GRIN2C: variants seen among roughly 807,000 people sequenced by gnomAD.
GRIN2C encodes glutamate receptor ionotropic, NMDA 2C.
In GRIN2C, 64 loss-of-function variants were observed where a neutral mutation model predicts 77.7. That is an observed-to-expected ratio of 0.82 (90% CI 0.67 to 1.01). The LOEUF is 1.01. Among genes scored for constraint, GRIN2C ranks in the 50% least tolerant of loss-of-function variants. The pLI is 0.00. For missense variants in GRIN2C, 1,549 were observed against 1,486.0 expected, an observed-to-expected ratio of 1.04 and a Z score of -0.70; for synonymous variants, 792 against 643.4, an observed-to-expected ratio of 1.23 and a Z score of -3.49.
intron 4 of GRIN2C, 99 bp downstream of exon 4, chr17:74,851,478 A>G: frequency 1.5e-6 from 1 of 684,478 alleles, no homozygotes; most frequent in South Asian, 1.8e-5. Flanking sequence ...GAGGGGTTGG[A>G]TAAGGGACAG....
chr17:74,846,300 G>A lies in GRIN2C; in HGVS notation c.2163-47C>T. 6.4e-7 allele frequency: 1 copy of A among 1,557,782 alleles called. No individual in the cohort carries two copies. The highest frequency in any genetic ancestry group is 1.4e-5 in the African/African-American group (1 of 73,922). On this transcript the variant is annotated intron_variant, in intron 10 of 12. Transcript: ENST00000293190. This position sits in a 1 kb window ranked among gnomAD's most constrained non-coding sequence, Gnocchi z 4.4. ...GAGCTAGGGACCATATGGGAGGGGA[G>A]GGGACACCGAAACTGGGGCGTGACA... is the stretch of plus-strand genomic sequence containing the variant.
intron 12 of GRIN2C, 71 bp from the exon 13 acceptor site, chr17:74,843,624 C>T (rs867954154): frequency 1.9e-5 from 28 of 1,510,602 alleles, no homozygotes; most frequent in Middle Eastern, 4.7e-4. Flanking sequence ...TTGTCCCTGC[C>T]TGGTCCCAAG....
Position 74,847,066 on chromosome 17 carries a change from G to C in GRIN2C, c.2002-146C>G. 1.1e-6 allele frequency: 1 copy of C among 879,672 alleles called. No homozygotes were observed. The highest frequency in any genetic ancestry group is 1.7e-6 in the Non-Finnish European group (1 of 587,206). 54.5% of individuals were successfully genotyped at this position (879,672 alleles called of 1,614,324 possible). On this transcript the variant is annotated intron_variant, in intron 9 of 12. Coordinates refer to ENST00000293190, the MANE Select transcript of GRIN2C (RefSeq NM_000835.6). This position sits in a 1 kb window ranked among gnomAD's most constrained non-coding sequence, Gnocchi z 5.2. ...TAAAGGCTGTCCAGGCCACTCCTGTGTTTTCCAAATGGAGACTCTGAGGCC... is the reference window on the plus strand; with the variant it reads ...TAAAGGCTGTCCAGGCCACTCCTGTCTTTTCCAAATGGAGACTCTGAGGCC...
At position 74,850,982 on chromosome 17, in the gene GRIN2C, C is replaced by A; in HGVS notation, c.1114-215G>T. 1.7e-6 allele frequency: 1 copy of A among 595,404 alleles called. No individual in the cohort carries two copies. Among genetic ancestry groups the A allele is most frequent in the Non-Finnish European group, 3.0e-6 (1 of 333,214 alleles). 36.9% of individuals were successfully genotyped at this position (595,404 alleles called of 1,614,324 possible). On this transcript the variant is annotated intron_variant, in intron 4 of 12. Coordinates refer to ENST00000293190, the MANE Select transcript of GRIN2C (RefSeq NM_000835.6). This position sits in a 1 kb window ranked among gnomAD's most constrained non-coding sequence, Gnocchi z 5.3. The stretch of plus-strand genomic sequence containing the variant: ...GCATCTTCCTAAAGCCCAGACCTGA[C>A]CCTGTCTCACTCACTGTACTGGTCC...
At position 74,842,223 on chromosome 17, in the gene GRIN2C, T is replaced by A; in HGVS notation, c.*212A>T. 1 of 532,112 alleles carries A rather than the reference T, an allele frequency of 1.9e-6. No individual in the cohort carries two copies. The allele number at this position is 532,112 out of a possible 1,614,324, so 33.0% of individuals were successfully genotyped here. ...CCACAGCACACCCTCCTGGCAGAAC[T>A]CTGCGTGAGAAGAGGACAGCAAAAG... On this transcript the variant is annotated 3_prime_UTR_variant, in exon 13 of 13. Coordinates refer to ENST00000293190, the MANE Select transcript of GRIN2C (RefSeq NM_000835.6).
rs373893165 is a variant in GRIN2C, at chr17:74,842,482, C to T, written c.3655G>A (p.Gly1219Arg). The T allele has an allele frequency of 2.6e-6, 2 of 778,384 alleles. No individual in the cohort carries two copies. The highest frequency in any genetic ancestry group is 4.8e-6 in the Non-Finnish European group (2 of 417,478). The allele number at this position is 778,384 out of a possible 1,614,324, so 48.2% of individuals were successfully genotyped here. A position where few individuals can be genotyped will look rare whatever the true frequency, so the allele number is the denominator to read the frequency against. Residue 1219 changes from glycine (G) to arginine (R), a missense_variant, in exon 13 of 13, where the codon GGA (glycine) becomes AGA (arginine). This residue lies in a region of GRIN2C where 450 missense variants were observed against 267.9 expected (regional missense o/e 1.68). Coordinates refer to ENST00000293190, the MANE Select transcript of GRIN2C (RefSeq NM_000835.6). The stretch of plus-strand genomic sequence containing the variant: ...GAGATCCGTCTCCAGGTGCAGGGTC[C>T]CGGGAAGCCTTGCGTCCCACGGGCT... ...RVARGTQGFP[G>R]PCTWRRISSL...
rs1444748161 is a variant in GRIN2C, at chr17:74,850,324, C to T, written c.1373G>A (p.Cys458Tyr). 3.1e-6 allele frequency: 5 copies of T among 1,613,686 alleles called. No individual in the cohort carries two copies. Among genetic ancestry groups the T allele is most frequent in the Admixed American group, 3.3e-5 (2 of 60,008 alleles). Residue 458 changes from cysteine (C) to tyrosine (Y), a missense_variant, in exon 6 of 13, where the codon TGC (cysteine) becomes TAC (tyrosine). Physicochemically the swap from Cys to Tyr is radical, Grantham distance 194. Around this residue, in one of 3 missense-constraint regions of GRIN2C, gnomAD observed 717 missense variants for 858.1 expected, o/e 0.84. Transcript: ENST00000293190. The surrounding 1 kb of genome is among the most constrained non-coding windows in gnomAD (Gnocchi z 5.3). Reference protein sequence around the residue: ...PYTKLCCKGFCIDILKKLARV... With the variant: ...PYTKLCCKGFYIDILKKLARV... ...GGCCAGCTTCTTGAGGATGTCGATGCAGAATCCCTTACAGCAGAGCTTGGT... is the reference window on the plus strand; with the variant it reads ...GGCCAGCTTCTTGAGGATGTCGATGTAGAATCCCTTACAGCAGAGCTTGGT...
In GRIN2C at chr17:74,847,272, G is replaced by C; in HGVS notation, c.2001+36C>G. 7 of 692,312 alleles carry C rather than the reference G, an allele frequency of 1.0e-5. No individual in the cohort carries two copies. The highest frequency in any genetic ancestry group is 4.3e-5 in the South Asian group (3 of 70,320). The allele number at this position is 692,312 out of a possible 1,614,324, so 42.9% of individuals were successfully genotyped here. ...CTCACGGCCTGTCCCCACCCTCAGT[G>C]CCCCCCCCCACCCCCAGCAGCTATG... On this transcript the variant is annotated intron_variant, in intron 9 of 12. Coordinates refer to ENST00000293190, the MANE Select transcript of GRIN2C (RefSeq NM_000835.6). The surrounding 1 kb of genome is among the most constrained non-coding windows in gnomAD (Gnocchi z 5.2).
chr17:74,850,128 G>A lies in GRIN2C; in HGVS notation c.1491+78C>T. 6.6e-7 allele frequency: 1 copy of A among 1,520,348 alleles called. No homozygotes were observed. Among genetic ancestry groups the A allele is most frequent in the South Asian group, 1.2e-5 (1 of 86,798 alleles). The allele number at this position is 1,520,348 out of a possible 1,614,324, so 94.2% of individuals were successfully genotyped here. ...TGACAGCCCATGCCCCCCTCTAGAG[G>A]GCATCTGAGAGCCACATGGGGCCTG... On this transcript the variant is annotated intron_variant, in intron 6 of 12. Transcript: ENST00000293190. This position sits in a 1 kb window ranked among gnomAD's most constrained non-coding sequence, Gnocchi z 5.3.
In GRIN2C at chr17:74,842,778, G is replaced by A; in HGVS notation, c.3359C>T (p.Ala1120Val). Residue 1120 changes from alanine (A) to valine (V), a missense_variant, in exon 13 of 13, where the codon GCG (alanine) becomes GTG (valine). Transcript: ENST00000293190. ...GTAGATCGGCAAGCACATCGACTGC[G>A]CCTGCGCCAAGCGCCTGCAGGCCGA... ...GHSACRRLAQAQSMCLPIYRE... is the reference protein window; with the variant it reads ...GHSACRRLAQVQSMCLPIYRE... 1 of 664,126 alleles carries A rather than the reference G, an allele frequency of 1.5e-6. No homozygotes were observed. The highest frequency in any genetic ancestry group is 2.4e-5 in the Admixed American group (1 of 40,934). 41.1% of individuals were successfully genotyped at this position (664,126 alleles called of 1,614,324 possible).
chr17:74,843,308 G>C lies in GRIN2C; in HGVS notation c.2829C>G (p.Ser943Arg). 7.2e-7 allele frequency: 1 copy of C among 1,383,412 alleles called. No individual in the cohort carries two copies. Among genetic ancestry groups the C allele is most frequent in the South Asian group, 1.3e-5 (1 of 75,118 alleles). The allele number at this position is 1,383,412 out of a possible 1,614,324, so 85.7% of individuals were successfully genotyped here. The change falls in exon 13 of 13, where the codon AGC (serine) becomes AGG (arginine). Residue 943 changes from serine to arginine, a missense_variant. Ser to Arg is a moderately radical substitution (Grantham distance 110, BLOSUM62 -1). Coordinates refer to ENST00000293190, the MANE Select transcript of GRIN2C (RefSeq NM_000835.6). ...GCGGGTCGGGGGTGGGCAGGCATGG[G>C]CTGGGGCCAGACCGCGGGGTCGGGC... ...SPCPTPRSGP[S>R]PCLPTPDPPP...
chr17:74,843,908 C>G (rs1282649428), intron 12 of GRIN2C: 3 of 448,088 alleles, frequency 6.7e-6, no homozygotes, highest in Non-Finnish European at 1.2e-5. Context: ...GGATCTCACT[C>G]TGCTGCCCAG....
Position 74,849,835 on chromosome 17 carries a change from G to A in GRIN2C, c.1590C>T (p.Gly530=), listed in dbSNP as rs758519694. The change falls in exon 7 of 13, where the codon GGC becomes GGT. Residue 530 remains glycine, a synonymous_variant. Coordinates refer to ENST00000293190, the MANE Select transcript of GRIN2C (RefSeq NM_000835.6). The surrounding 1 kb of genome is among the most constrained non-coding windows in gnomAD (Gnocchi z 4.6). ...TGCTGCGAGCCACCATCACACTGATGCCCGTCTCCACAAAGGGTACAGAGA... is the reference window on the plus strand; with the variant it reads ...TGCTGCGAGCCACCATCACACTGATACCCGTCTCCACAAAGGGTACAGAGA... ...VDFSVPFVET[G]ISVMVARSNG... 1.4e-5 allele frequency: 23 copies of A among 1,613,370 alleles called. 1 individual carries two copies. The South Asian group carries it at 2.4e-4, about 17-fold the overall frequency.
chr17:74,849,231 G>A lies in GRIN2C; in HGVS notation c.1645+549C>T, dbSNP rs903651609. On this transcript the variant is annotated intron_variant, in intron 7 of 12. Coordinates refer to ENST00000293190, the MANE Select transcript of GRIN2C (RefSeq NM_000835.6). This position sits in a 1 kb window ranked among gnomAD's most constrained non-coding sequence, Gnocchi z 4.6. ...GAGCCGGGGTTTCCACTCCTGTCTG[G>A]CCAGCCTCAGCTCTTCCCCTGCCCC... Among the ~76,000 whole-genome samples the A allele has an allele frequency of 1.3e-5, 2 of 151,998 alleles. No homozygotes were observed. The highest frequency in any genetic ancestry group is 6.6e-5 in the Admixed American group (1 of 15,262).
At chr17:74,861,237 A>C (rs1289527545), upstream of GRIN2C, among the ~76,000 whole-genome samples, 4 of 151,992 alleles carry the variant, frequency 2.6e-5, no homozygotes, top group Non-Finnish European at 5.9e-5. Context: ...CGCCCGGGTC[A>C]AAACCCAAGG....
chr17:74,852,618 G>A lies in GRIN2C; in HGVS notation c.400-7C>T. 1 of 1,082,080 alleles carries A rather than the reference G, an allele frequency of 9.2e-7. No individual in the cohort carries two copies. The highest frequency in any genetic ancestry group is 1.2e-6 in the Non-Finnish European group (1 of 865,170). The allele number at this position is 1,082,080 out of a possible 1,614,324, so 67.0% of individuals were successfully genotyped here. A position where few individuals can be genotyped will look rare whatever the true frequency, so the allele number is the denominator to read the frequency against. On this transcript the variant is annotated splice_region_variant and splice_polypyrimidine_tract_variant and intron_variant, in intron 2 of 12. Coordinates refer to ENST00000293190, the MANE Select transcript of GRIN2C (RefSeq NM_000835.6). ...GGAAGGCGGAGCCCGGCTCCTGGGGGCGGGCGGGGCCTGAGCGGGGCGGGA... is the reference window on the plus strand; with the variant it reads ...GGAAGGCGGAGCCCGGCTCCTGGGGACGGGCGGGGCCTGAGCGGGGCGGGA...
Position 74,852,324 on chromosome 17 carries a change from C to A in GRIN2C, c.687G>T (p.Ser229=), listed in dbSNP as rs781733800. The A allele has an allele frequency of 6.9e-7, 1 of 1,454,280 alleles. No individual in the cohort carries two copies. The highest frequency in any genetic ancestry group is 2.7e-5 in the Admixed American group (1 of 36,522). The allele number at this position is 1,454,280 out of a possible 1,614,324, so 90.1% of individuals were successfully genotyped here. The change falls in exon 3 of 13, where the codon TCG becomes TCT. Residue 229 remains serine (S), a synonymous_variant. Transcript: ENST00000293190. ...CGAAGAGCACCTCGGCCTCCTCGCG[C>A]GAGCAGTAGGCCACAAACACGGGCG... ...LDAPVFVAYC[S]REEAEVLFAE... is the part of the protein sequence containing the mutation.
rs2037462198 is a variant in GRIN2C, at chr17:74,846,554, CT to C, written c.2162+205del. ...ACCACCACCTCAGGCTGAGGCTGAA[CT>C]TTGATTGGCACCACAGCTGTGTTCT... On this transcript the variant is annotated intron_variant, in intron 10 of 12. Transcript: ENST00000293190. This position sits in a 1 kb window ranked among gnomAD's most constrained non-coding sequence, Gnocchi z 4.4. Among the ~76,000 whole-genome samples the C allele has an allele frequency of 2.7e-5, 4 of 146,048 alleles. No homozygotes were observed. The highest frequency in any genetic ancestry group is 4.7e-5 in the Non-Finnish European group (3 of 63,936).
chr17:74,852,927 G>T (rs2037710299), intron 2 of GRIN2C: 1 of 307,618 alleles, frequency 3.3e-6, no homozygotes, highest in Admixed American at 5.1e-5. Context: ...TGGGTATGCC[G>T]CCTGGCATCT....
Sources: gnomAD v4.1 joint callset for allele counts (sites outside exome capture counted in the v4.1 genomes callset) on GRCh38, gnomAD v4.1.1 for gene constraint, gnomAD v4.1.1 regional missense constraint, Gnocchi (gnomAD v3.1) non-coding constraint, MANE v1.5 for transcripts, NCBI Gene and HGNC (gene_info 2026-07-23, HGNC 2026-07-21) for gene names.